The following STAT5A variants were observed in gnomAD, a reference collection of about 807,000 sequenced individuals.
The protein encoded by STAT5A is signal transducer and activator of transcription 5A, also known as epididymis secretory sperm binding protein.
In STAT5A, 26 loss-of-function variants were observed where a neutral mutation model predicts 100.2. That is an observed-to-expected ratio of 0.26 (90% confidence interval 0.19 to 0.36). The LOEUF (loss-of-function observed/expected upper bound fraction) is 0.36. Ranked by LOEUF, STAT5A falls within the 10% of genes least tolerant of loss-of-function variation. The probability of loss-of-function intolerance (pLI) is 1.00; values close to 1 mark genes in which losing one functional copy is unlikely to be tolerated. For synonymous variants in STAT5A, 330 were observed against 424.3 expected (o/e 0.78, Z 2.73); for missense variants, 634 against 1,027.5 (o/e 0.62, Z 5.24).
intron 5 of STAT5A, among the ~76,000 whole-genome samples, chr17:42,298,961 G>T (rs2080947901): frequency 6.6e-6 from 1 of 151,762 alleles, no homozygotes; most frequent in Admixed American, 6.5e-5. Context: ...TCCCTCTGCG[G>T]TCTGTCTATC....
chr17:42,302,575 G>C (rs901095840), intron 9 of STAT5A, among the ~76,000 whole-genome samples: 1 of 152,198 alleles, frequency 6.6e-6, no homozygotes, highest in African/African-American at 2.4e-5. Context: ...CGTATGCAGG[G>C]GATGAATAAA....
chr17:42,306,145 G>T (rs2081026664), intron 12 of STAT5A, 96 bp from the exon 13 acceptor site: 1 of 1,587,776 alleles, frequency 6.3e-7, no homozygotes, highest in African/African-American at 1.3e-5. Flanking sequence ...ATCTGTCTCA[G>T]TCTCCTCTGT....
rs375794434 is a variant in STAT5A, at chr17:42,306,470, G to A, written c.1680+23G>A. On this transcript the variant is annotated intron_variant, in intron 13 of 18. Coordinates refer to ENST00000590949, the MANE Select transcript of STAT5A (RefSeq NM_001288718.2). ...AGGGTGAGGGGCCCAGCTGCCAGCC[G>A]CCCACCAGGGCCCACCGGGGTCTGT... 3.2e-5 allele frequency: 51 copies of A among 1,588,802 alleles called. 1 individual carries two copies. Among genetic ancestry groups the A allele is most frequent in the South Asian group, 1.6e-4 (14 of 88,022 alleles).
intron 9 of STAT5A, among the ~76,000 whole-genome samples, chr17:42,302,575 G>T (rs901095840): frequency 6.6e-6 from 1 of 152,198 alleles, no homozygotes; most frequent in African/African-American, 2.4e-5. Flanking sequence ...CGTATGCAGG[G>T]GATGAATAAA....
chr17:42,303,546 C>T (rs1024327808), intron 9 of STAT5A, among the ~76,000 whole-genome samples: 3 of 152,094 alleles, frequency 2.0e-5, no homozygotes, highest in Non-Finnish European at 2.9e-5. Context: ...CCAATCTCTA[C>T]TAAAAATACA....
Position 42,304,230 on chromosome 17 carries a change from C to A in STAT5A, c.1170-112C>A. The stretch of plus-strand genomic sequence containing the variant: ...AGAAACACTCTTAGGGGATACGGGG[C>A]AGGGGCTGCTGGCAGGGCTGACCTG... On this transcript the variant is annotated intron_variant, in intron 9 of 18. Coordinates refer to ENST00000590949, the MANE Select transcript of STAT5A (RefSeq NM_001288718.2). The surrounding 1 kb of genome is among the most constrained non-coding windows in gnomAD (Gnocchi z 4.8). The A allele has an allele frequency of 1.0e-6, 1 of 959,416 alleles. No individual in the cohort carries two copies. The highest frequency in any genetic ancestry group is 1.6e-6 in the Non-Finnish European group (1 of 617,850). The allele number at this position is 959,416 out of a possible 1,614,324, so 59.4% of individuals were successfully genotyped here.
Position 42,306,243 on chromosome 17 carries a change from C to T in STAT5A, c.1476C>T (p.Gly492=), listed in dbSNP as rs1385128249. ...CCCCTCTCTTGTCTCCCTCTCAGGG[C>T]AGGGTGCCATTTGCCGTGCCTGACA... ...VLWDNAFAEP[G]RVPFAVPDKV... Residue 492 remains glycine, a splice_region_variant and synonymous_variant, in exon 13 of 19, where the codon GGC becomes GGT. Coordinates refer to ENST00000590949, the MANE Select transcript of STAT5A (RefSeq NM_001288718.2). The T allele has an allele frequency of 7.4e-6, 12 of 1,614,010 alleles. No individual in the cohort carries two copies. The highest frequency in any genetic ancestry group is 1.0e-5 in the Non-Finnish European group (12 of 1,179,908).
chr17:42,289,600 C>T, intron 2 of STAT5A, 61 bp downstream of exon 2: 16 of 1,573,608 alleles, frequency 1.0e-5, no homozygotes, highest in Non-Finnish European at 1.4e-5. Context: ...CCTTTGGCCT[C>T]TAGTTTTACT....
rs748298777 is a variant in STAT5A, at chr17:42,307,690, G to A, written c.1873G>A (p.Gly625Arg). Residue 625 changes from glycine (G) to arginine (R), a missense_variant, in exon 15 of 19, where the codon GGG (glycine) becomes AGG (arginine). Gly to Arg is a moderately radical substitution (Grantham distance 125). Coordinates refer to ENST00000590949, the MANE Select transcript of STAT5A (RefSeq NM_001288718.2). Reference sequence around the variant, plus strand: ...GTTGCGCTTTAGTGACTCAGAAATCGGGGGCATCACCATCGCCTGGAAGTT... The same window carrying A: ...GTTGCGCTTTAGTGACTCAGAAATCAGGGGCATCACCATCGCCTGGAAGTT... ...FLLRFSDSEI[G>R]GITIAWKFDS... The A allele has an allele frequency of 6.2e-6, 10 of 1,613,836 alleles. No individual in the cohort carries two copies. Among genetic ancestry groups the A allele is most frequent in the Non-Finnish European group, 8.5e-6 (10 of 1,180,008 alleles).
At chr17:42,309,545 C>T in intron 18 of STAT5A, 61 bp downstream of exon 18, 2 of 1,550,490 alleles carry the variant, frequency 1.3e-6, no homozygotes, top group Non-Finnish European at 1.8e-6. Flanking sequence ...CCAGGCTGGA[C>T]TCCTGGAGGG....
At position 42,310,864 on chromosome 17, in the gene STAT5A, G is replaced by A. The variant is rs988422010; in HGVS notation, c.*195G>A. 1.0e-6 allele frequency: 1 copy of A among 962,314 alleles called. No individual in the cohort carries two copies. The highest frequency in any genetic ancestry group is 1.6e-5 in the African/African-American group (1 of 60,650). 59.6% of individuals were successfully genotyped at this position (962,314 alleles called of 1,614,324 possible). A position where few individuals can be genotyped will look rare whatever the true frequency, so the allele number is the denominator to read the frequency against. ...CCTGGGATGTGGCTGCAGCAGCGGT[G>A]GCCTCTTTTCAGATCATGGCATCCA... On this transcript the variant is annotated 3_prime_UTR_variant, in exon 19 of 19. Transcript: ENST00000590949.
chr17:42,294,196 A>G (rs979182931), intron 4 of STAT5A, among the ~76,000 whole-genome samples: 2 of 151,360 alleles, frequency 1.3e-5, no homozygotes, highest in Non-Finnish European at 2.9e-5. Context: ...AGCCTGGGCA[A>G]CAGAGCGAGA....
At position 42,304,771 on chromosome 17, in the gene STAT5A, T is replaced by G. The variant is rs2081012644; in HGVS notation, c.1380+119T>G. On this transcript the variant is annotated intron_variant, in intron 11 of 18. Transcript: ENST00000590949. The surrounding 1 kb of genome is among the most constrained non-coding windows in gnomAD (Gnocchi z 4.8). ...AGCCTGCTTTGACTCTGTGGGTCCC[T>G]GTTTGATAGGTTATAATCTGGGACT... 1 of 1,481,090 alleles carries G rather than the reference T, an allele frequency of 6.8e-7. No homozygotes were observed. The highest frequency in any genetic ancestry group is 2.0e-5 in the Admixed American group (1 of 49,920). 91.7% of individuals were successfully genotyped at this position (1,481,090 alleles called of 1,614,324 possible).
In STAT5A at chr17:42,306,281, C is replaced by T. The variant is rs757085900; in HGVS notation, c.1514C>T (p.Pro505Leu). The part of the protein sequence containing the change: ...PFAVPDKVLW[P>L]QLCEALNMKF... Reference sequence around the variant, plus strand: ...GCCGTGCCTGACAAAGTGCTGTGGCCGCAGCTGTGTGAGGCGCTCAACATG... The same window carrying T: ...GCCGTGCCTGACAAAGTGCTGTGGCTGCAGCTGTGTGAGGCGCTCAACATG... The change falls in exon 13 of 19, where the codon CCG becomes CTG. Residue 505 changes from proline (P) to leucine (L), a missense_variant. By Grantham distance (98) the Pro-to-Leu change is moderately conservative. This residue lies in a region of STAT5A where 210 missense variants were observed against 428.4 expected (regional missense o/e 0.49). Transcript: ENST00000590949. 3.0e-5 allele frequency: 49 copies of T among 1,613,898 alleles called. No individual in the cohort carries two copies. The highest frequency in any genetic ancestry group is 4.1e-5 in the Non-Finnish European group (48 of 1,179,946).
chr17:42,304,445 A>C lies in STAT5A; in HGVS notation c.1257+16A>C. ...CAGGAACATGGTGAGGACGGGGCCC[A>C]CCCTCGGAGGGCAGGTCTGCCCAGA... On this transcript the variant is annotated intron_variant, in intron 10 of 18. Coordinates refer to ENST00000590949, the MANE Select transcript of STAT5A (RefSeq NM_001288718.2). This position sits in a 1 kb window ranked among gnomAD's most constrained non-coding sequence, Gnocchi z 4.8. 2 of 1,614,142 alleles carry C rather than the reference A, an allele frequency of 1.2e-6. No homozygotes were observed. Among genetic ancestry groups the C allele is most frequent in the Non-Finnish European group, 1.7e-6 (2 of 1,179,992 alleles).
chr17:42,298,480 T>TG (rs1487906229), intron 5 of STAT5A, among the ~76,000 whole-genome samples: 1 of 148,416 alleles, frequency 6.7e-6, no homozygotes, highest in Non-Finnish European at 1.5e-5. Flanking sequence ...TACTTTTTTT[T>TG]TTTTTTTTTT....
intron 3 of STAT5A, among the ~76,000 whole-genome samples, chr17:42,291,204 G>A (rs2080865303): frequency 6.6e-6 from 1 of 152,206 alleles, no homozygotes; most frequent in Non-Finnish European, 1.5e-5. Flanking sequence ...ATTCCTATGG[G>A]AATCCAGTGC....
At position 42,310,938 on chromosome 17, in the gene STAT5A, A is replaced by G. The variant is rs933480101; in HGVS notation, c.*269A>G. ...TCATGGTAGAGACCGAGCCTCTGTC[A>G]CTGCAGGCACTCAATGCAGCCAGAC... is the stretch of plus-strand genomic sequence containing the variant. On this transcript the variant is annotated 3_prime_UTR_variant, in exon 19 of 19. Transcript: ENST00000590949. 1 of 505,374 alleles carries G rather than the reference A, an allele frequency of 2.0e-6. No homozygotes were observed. Among genetic ancestry groups the G allele is most frequent in the African/African-American group, 1.9e-5 (1 of 51,996 alleles). The allele number at this position is 505,374 out of a possible 1,614,324, so 31.3% of individuals were successfully genotyped here. A position where few individuals can be genotyped will look rare whatever the true frequency, so the allele number is the denominator to read the frequency against.
At chr17:42,291,283 G>A (rs1008282323) in intron 3 of STAT5A, among the ~76,000 whole-genome samples, 8 of 152,242 alleles carry the variant, frequency 5.3e-5, no homozygotes, top group Admixed American at 1.3e-4. Flanking sequence ...TGTAAATACA[G>A]ATGAAGCGTC....
Sources: allele counts gnomAD v4.1 joint callset (sites outside exome capture counted in the v4.1 genomes callset), GRCh38; gene constraint gnomAD v4.1.1; regional missense constraint gnomAD v4.1.1; non-coding constraint Gnocchi (gnomAD v3.1); transcripts MANE v1.5; gene names NCBI Gene and HGNC (gene_info 2026-07-23, HGNC 2026-07-21).